Variants in WDPCP observed in about 807,000 individuals in gnomAD.
WDPCP encodes the protein WD repeat containing planar cell polarity effector, also known as WD repeat-containing and planar cell polarity effector protein fritz homolog.
WDPCP carries 71 observed loss-of-function variants against 93.1 expected under a neutral mutation model. The observed-to-expected ratio is 0.76, with a 90% CI of 0.63 to 0.93. WDPCP has a LOEUF of 0.93. Ranked by LOEUF, WDPCP falls within the 40% of genes least tolerant of loss-of-function variation. The pLI is 0.00. For synonymous variants in WDPCP, 315 were observed against 315.0 expected (o/e 1.00, Z 0.00); for missense variants, 844 against 887.4 (o/e 0.95, Z 0.62).
chr2:63,641,906 A>C (rs1191686142), intron 3 of WDPCP, among the ~76,000 whole-genome samples: 2 of 152,096 alleles, frequency 1.3e-5, no homozygotes, highest in Non-Finnish European at 2.9e-5. Flanking sequence ...ATATTTTTTT[A>C]GTAGATTCAT....
intron 3 of WDPCP, among the ~76,000 whole-genome samples, chr2:63,640,720 T>C (rs1233539107): frequency 1.3e-5 from 2 of 152,148 alleles, no homozygotes; most frequent in Non-Finnish European, 2.9e-5. Context: ...TTATCAGGAA[T>C]ATGAGATGTT....
At chr2:63,633,092 A>C (rs1199090498) in intron 3 of WDPCP, among the ~76,000 whole-genome samples, 1 of 152,194 alleles carries the variant, frequency 6.6e-6, no homozygotes, top group Non-Finnish European at 1.5e-5. Flanking sequence ...TGAAAGAAAA[A>C]AATCTGCCAA....
At chr2:63,621,061 A>C (rs1709731014) in intron 3 of WDPCP, among the ~76,000 whole-genome samples, 1 of 152,232 alleles carries the variant, frequency 6.6e-6, no homozygotes, top group Non-Finnish European at 1.5e-5. Flanking sequence ...AAAGATGAGG[A>C]AAAACCAGTA....
At chr2:63,708,183 G>A (rs1215565728) in intron 2 of WDPCP, among the ~76,000 whole-genome samples, 1 of 152,236 alleles carries the variant, frequency 6.6e-6, no homozygotes, top group African/African-American at 2.4e-5. Context: ...AGTCTGCAGA[G>A]GTTATTGCTG....
At chr2:63,482,962 GA>G (rs1214850159) in intron 6 of WDPCP, among the ~76,000 whole-genome samples, 1 of 151,916 alleles carries the variant, frequency 6.6e-6, no homozygotes, top group Non-Finnish European at 1.5e-5. Flanking sequence ...ATTTTATCAT[GA>G]AAATTCCCTT....
intron 2 of WDPCP, among the ~76,000 whole-genome samples, chr2:63,651,069 A>G (rs571459104): frequency 3.3e-5 from 5 of 152,310 alleles, no homozygotes; most frequent in African/African-American, 1.2e-4. Context: ...TTATAAATAA[A>G]GACAACACCC....
At chr2:63,389,950 G>T (rs1023924763) in intron 10 of WDPCP, among the ~76,000 whole-genome samples, 3 of 152,142 alleles carry the variant, frequency 2.0e-5, no homozygotes, top group African/African-American at 7.2e-5. Context: ...AATAATGGGA[G>T]ACTTTAACAT....
chr2:63,350,928 G>A (rs976426220), intron 12 of WDPCP, among the ~76,000 whole-genome samples: 2 of 151,554 alleles, frequency 1.3e-5, no homozygotes, highest in Non-Finnish European at 2.9e-5. Context: ...TTGAAACAAT[G>A]AAAATTTCTA....
chr2:63,219,850 A>G (rs1677666648), intron 14 of WDPCP, among the ~76,000 whole-genome samples: 1 of 152,068 alleles, frequency 6.6e-6, no homozygotes, highest in Non-Finnish European at 1.5e-5. Context: ...TGAAAATACA[A>G]AAATTAGCCG....
At chr2:63,646,216 T>C (rs1248960512) in intron 3 of WDPCP, among the ~76,000 whole-genome samples, 1 of 152,120 alleles carries the variant, frequency 6.6e-6, no homozygotes, top group Non-Finnish European at 1.5e-5. Context: ...AATACTATCT[T>C]ATAATTTATT....
chr2:63,663,197 T>C (rs1271488825), intron 2 of WDPCP, among the ~76,000 whole-genome samples: 1 of 152,232 alleles, frequency 6.6e-6, no homozygotes, highest in African/African-American at 2.4e-5. Context: ...TTTTAACTAC[T>C]AATTGGTAGC....
chr2:63,420,057 T>C (rs572163498), intron 9 of WDPCP, among the ~76,000 whole-genome samples: 1 of 152,192 alleles, frequency 6.6e-6, no homozygotes, highest in South Asian at 2.1e-4. Flanking sequence ...ATAAAAGGTA[T>C]ACTTTATTTT....
intron 2 of WDPCP, among the ~76,000 whole-genome samples, chr2:63,771,465 T>C (rs1235706640): frequency 1.3e-5 from 2 of 151,882 alleles, no homozygotes; most frequent in African/African-American, 4.8e-5. Context: ...ACCGAACAAT[T>C]AAAGAATAAA....
chr2:63,137,936 C>G (rs1670746233), intron 17 of WDPCP, among the ~76,000 whole-genome samples: 1 of 152,026 alleles, frequency 6.6e-6, no homozygotes, highest in South Asian at 2.1e-4. Flanking sequence ...GTACAGGTAC[C>G]ATGCTGTTTT....
chr2:63,804,826 G>A (rs191164213), intron 2 of WDPCP, among the ~76,000 whole-genome samples: 181 of 151,714 alleles, frequency 1.2e-3, no homozygotes, highest in Admixed American at 2.4e-3. Flanking sequence ...TTAAGAGCTC[G>A]AGACCAGCCT....
intron 6 of WDPCP, among the ~76,000 whole-genome samples, chr2:63,446,182 A>G (rs79518423): frequency 0.02 from 3,115 of 152,254 alleles, 122 homozygotes; most frequent in African/African-American, 0.071. Flanking sequence ...GGGGTCCCCA[A>G]TGCCCAAGCC....
intron 2 of WDPCP, chr2:63,752,147 C>A: frequency 1.6e-6 from 1 of 617,082 alleles, no homozygotes; most frequent in Non-Finnish European, 2.9e-6. Context: ...TTCTGAATGA[C>A]AATTTTATCC....
At chr2:63,419,213 G>A (rs1695659029) in intron 9 of WDPCP, among the ~76,000 whole-genome samples, 1 of 152,092 alleles carries the variant, frequency 6.6e-6, no homozygotes, top group African/African-American at 2.4e-5. Context: ...TGTGATCTTG[G>A]CTCACTGCAA....
At position 63,430,052 on chromosome 2, in the gene WDPCP, G is replaced by T. The variant is rs553899337; in HGVS notation, c.825+3693C>A. The stretch of plus-strand genomic sequence containing the variant: ...TGAAATACTATGCAGCCATAAAAAA[G>T]AACAAAAGTATGTCCTTTCTAGCAA... On this transcript the variant is annotated intron_variant, in intron 9 of 17. Coordinates refer to ENST00000272321, the MANE Select transcript of WDPCP (RefSeq NM_015910.7). Among the ~76,000 whole-genome samples the T allele has an allele frequency of 1.1e-3, 165 of 143,832 alleles. 1 individual carries two copies. Among genetic ancestry groups the T allele is most frequent in the African/African-American group, 4.1e-3 (160 of 38,724 alleles). The allele number at this position is 143,832 out of a possible 152,430, so 94.4% of individuals were successfully genotyped here.
Sources: gnomAD v4.1 joint callset for allele counts (sites outside exome capture counted in the v4.1 genomes callset) on GRCh38, gnomAD v4.1.1 for gene constraint, MANE v1.5 for transcripts, NCBI Gene and HGNC (gene_info 2026-07-23, HGNC 2026-07-21) for gene names.